The following DRC5 variants were observed in gnomAD, a reference collection of about 807,000 sequenced individuals.
The protein encoded by DRC5 is T-complex-associated testis-expressed protein 1.
the DRC5 span, among the ~76,000 whole-genome samples, chr6:44,283,397 G>C: frequency 6.6e-6 from 1 of 152,154 alleles, no homozygotes; most frequent in Non-Finnish European, 1.5e-5. Context: ...AAAAGGATGA[G>C]ATAAAGGAAT....
At chr6:44,281,842 AACTT>A in the DRC5 span, among the ~76,000 whole-genome samples, 1 of 152,192 alleles carries the variant, frequency 6.6e-6, no homozygotes. Flanking sequence ...TCCTCTCTGA[AACTT>A]AGTTTTCCAT....
the DRC5 span, chr6:44,279,162 A>C: frequency 6.6e-6 from 1 of 152,332 alleles, no homozygotes; most frequent in Non-Finnish European, 1.5e-5. Flanking sequence ...GCTCAGCCTG[A>C]ATCAGTCAGC....
the DRC5 span, chr6:44,286,413 G>A: frequency 8.9e-4 from 1,435 of 1,614,182 alleles, 16 homozygotes; most frequent in African/African-American, 0.012. Flanking sequence ...ATGCAGCAGC[G>A]GAGCCAGTAG....
At chr6:44,288,183 T>C in the DRC5 span, among the ~76,000 whole-genome samples, 3 of 152,162 alleles carry the variant, frequency 2.0e-5, no homozygotes, top group African/African-American at 4.8e-5. Flanking sequence ...ATCTGACACA[T>C]GAAACTAGCA....
chr6:44,287,614 C>T, the DRC5 span: 1 of 1,614,146 alleles, frequency 6.2e-7, no homozygotes, highest in South Asian at 1.1e-5. Flanking sequence ...GGCCAGTGAC[C>T]ACTCAGGATC....
the DRC5 span, among the ~76,000 whole-genome samples, chr6:44,295,482 C>A: frequency 3.3e-5 from 5 of 152,190 alleles, no homozygotes; most frequent in South Asian, 1.0e-3. Flanking sequence ...TGAAATCACA[C>A]ACAGGGAACA....
chr6:44,280,001 TC>T, the DRC5 span: 4 of 590,486 alleles, frequency 6.8e-6, no homozygotes, highest in Admixed American at 3.3e-5. Flanking sequence ...TACCCTTTCT[TC>T]CCCCATGCCA....
the DRC5 span, chr6:44,287,080 T>A: frequency 2.1e-6 from 1 of 481,236 alleles, no homozygotes; most frequent in Non-Finnish European, 2.7e-6. Flanking sequence ...GATGAAATAA[T>A]GGCCCTGTCC....
chr6:44,286,226 T>C, the DRC5 span: 2 of 1,611,934 alleles, frequency 1.2e-6, no homozygotes, highest in African/African-American at 1.3e-5. Context: ...CGGAAGGAAC[T>C]GATCGACGTG....
At chr6:44,291,069 C>T in the DRC5 span, among the ~76,000 whole-genome samples, 1 of 152,222 alleles carries the variant, frequency 6.6e-6, no homozygotes, top group Non-Finnish European at 1.5e-5. Context: ...ACCAACTTCT[C>T]AGAAGGAAGG....
the DRC5 span, among the ~76,000 whole-genome samples, chr6:44,292,566 C>T: frequency 1.3e-5 from 2 of 152,118 alleles, no homozygotes; most frequent in African/African-American, 2.4e-5. Flanking sequence ...CTGCTTTAGG[C>T]GAGGTAGCTG....
the DRC5 span, chr6:44,286,474 C>CAGGT: frequency 6.2e-7 from 1 of 1,614,166 alleles, no homozygotes; most frequent in Non-Finnish European, 8.5e-7. Flanking sequence ...GGTCAGGGGA[C>CAGGT]AGGTGGTTCA....
At chr6:44,279,067 G>A in the DRC5 span, 1 of 152,322 alleles carries the variant, frequency 6.6e-6, no homozygotes, top group Non-Finnish European at 1.5e-5. Context: ...CCTGGACTGG[G>A]GTTGTAGCCC....
the DRC5 span, among the ~76,000 whole-genome samples, chr6:44,297,099 C>A: frequency 1.3e-5 from 1 of 75,938 alleles, no homozygotes; most frequent in South Asian, 4.5e-4. Context: ...AGCTCAGACA[C>A]CCCAGCAGAG....
chr6:44,289,397 T>C, the DRC5 span, among the ~76,000 whole-genome samples: 1 of 152,172 alleles, frequency 6.6e-6, no homozygotes, highest in African/African-American at 2.4e-5. Flanking sequence ...ATATAATCAA[T>C]ATAAAATTAT....
the DRC5 span, among the ~76,000 whole-genome samples, chr6:44,291,413 A>G: frequency 1.3e-5 from 2 of 152,254 alleles, no homozygotes; most frequent in African/African-American, 2.4e-5. Flanking sequence ...ATTTAAAAGG[A>G]TAACGAGCAA....
At chr6:44,297,277 A>ACGGCCTTT in the DRC5 span, among the ~76,000 whole-genome samples, 4 of 152,292 alleles carry the variant, frequency 2.6e-5, no homozygotes, top group East Asian at 7.7e-4. Context: ...ATGGGAACGG[A>ACGGCCTTT]CGGCCTTTCG....
the DRC5 span, chr6:44,279,904 G>T: frequency 2.9e-6 from 1 of 345,116 alleles, no homozygotes; most frequent in Non-Finnish European, 5.3e-6. Flanking sequence ...ACACCTCTCT[G>T]ACTTCCCTGT....
chr6:44,282,252 G>T, the DRC5 span: 1 of 1,614,224 alleles, frequency 6.2e-7, no homozygotes, highest in South Asian at 1.1e-5. Context: ...GGTCTGCAAG[G>T]CATGGGCAAG....
Sources: allele counts gnomAD v4.1 joint callset (sites outside exome capture counted in the v4.1 genomes callset), GRCh38; gene constraint gnomAD v4.1.1; transcripts MANE v1.5; gene names NCBI Gene and HGNC (gene_info 2026-07-23, HGNC 2026-07-21).